Variants in MASP1 observed in about 807,000 individuals in gnomAD.
The protein encoded by MASP1 is mannan-binding lectin serine protease 1.
Under a neutral mutation model 77.1 loss-of-function variants are expected in MASP1, and 59 were observed. The observed-to-expected ratio is 0.77, with a 90% confidence interval of 0.62 to 0.95. The LOEUF is 0.95. Among genes scored for constraint, MASP1 ranks in the 40% least tolerant of loss-of-function variants. The pLI is 0.00. For synonymous variants in MASP1, 362 were observed against 354.5 expected (o/e 1.02, Z -0.24); for missense variants, 885 against 912.9 (o/e 0.97, Z 0.39).
chr3:187,234,707 C>T lies in MASP1; in HGVS notation c.*977G>A, dbSNP rs546930536. On this transcript the variant is annotated 3_prime_UTR_variant, in exon 11 of 11. Coordinates refer to ENST00000296280, the MANE Select transcript of MASP1 (RefSeq NM_139125.4). ...TTTGGGTGACTTCTAATGTGCCCAC[C>T]CCACTCTTTCTTCCATTTTCCTGCC... 145 of 1,287,182 alleles carry T rather than the reference C, an allele frequency of 1.1e-4. 1 individual carries two copies. The South Asian group carries it at 1.6e-3, about 14-fold the overall frequency. The allele number at this position is 1,287,182 out of a possible 1,614,324, so 79.7% of individuals were successfully genotyped here. A position where few individuals can be genotyped will look rare whatever the true frequency, so the allele number is the denominator to read the frequency against.
chr3:187,269,068 A>C lies in MASP1; in HGVS notation c.238-6348T>G, dbSNP rs867593789. ...CAACAGAGCAAGACACTGTCTCAAA[A>C]AAAAAAAAAAAAAGATTTTAAAACC... On this transcript the variant is annotated intron_variant, in intron 2 of 10. Coordinates refer to ENST00000296280, the MANE Select transcript of MASP1 (RefSeq NM_139125.4). Among the ~76,000 whole-genome samples, 423 of 151,258 alleles carry C rather than the reference A, an allele frequency of 2.8e-3. 2 individuals carry two copies. The highest frequency in any genetic ancestry group is 1.0e-2 in the South Asian group (48 of 4,812).
chr3:187,236,416 G>A lies in MASP1; in HGVS notation c.1455C>T (p.Ala485=), dbSNP rs749228203. ...TGAGGATCCAGGACGCAGAGAGCAG[G>A]GCCCCACTCCCAAACCACTTGTCAT... ...VPNDKWFGSG[A]LLSASWILTA... Residue 485 remains alanine (A), a synonymous_variant, in exon 11 of 11, where the codon GCC becomes GCT. Coordinates refer to ENST00000296280, the MANE Select transcript of MASP1 (RefSeq NM_139125.4). The A allele has an allele frequency of 4.3e-6, 7 of 1,614,074 alleles. No individual in the cohort carries two copies. Among genetic ancestry groups the A allele is most frequent in the East Asian group, 2.2e-5 (1 of 44,892 alleles).
At chr3:187,265,365 G>C (rs1715932053) in intron 2 of MASP1, among the ~76,000 whole-genome samples, 1 of 152,184 alleles carries the variant, frequency 6.6e-6, no homozygotes. Context: ...CTGAGGGTCT[G>C]TGATAAATGA....
intron 2 of MASP1, among the ~76,000 whole-genome samples, chr3:187,280,956 T>C (rs1376906730): frequency 6.6e-6 from 1 of 152,164 alleles, no homozygotes; most frequent in African/African-American, 2.4e-5. Flanking sequence ...ACCGTTTGTA[T>C]TTGAAAGAGG....
chr3:187,245,133 A>G (rs1015539255), intron 8 of MASP1, among the ~76,000 whole-genome samples: 4 of 152,250 alleles, frequency 2.6e-5, no homozygotes, highest in African/African-American at 9.6e-5. Context: ...CCAAAAGTAC[A>G]GATGCTCTTC....
intron 14 of MASP1, chr3:187,223,074 G>A (rs900352670): frequency 2.1e-5 from 31 of 1,455,442 alleles, no homozygotes; most frequent in Non-Finnish European, 2.6e-5. Flanking sequence ...GAGCAGGAAG[G>A]CCCAGTGCAG....
At chr3:187,236,668 A>G in intron 10 of MASP1, 101 bp from the exon 11 acceptor site, 2 of 1,603,882 alleles carry the variant, frequency 1.2e-6, no homozygotes, top group Middle Eastern at 1.7e-4. Flanking sequence ...CCCACTATAG[A>G]TTATGCCACC....
intron 10 of MASP1, among the ~76,000 whole-genome samples, chr3:187,239,140 C>T (rs1471795808): frequency 2.0e-5 from 3 of 149,320 alleles, no homozygotes; most frequent in South Asian, 2.1e-4. Context: ...GTGGGGAGTT[C>T]GAGACCAGCC....
At chr3:187,291,498 G>T in intron 1 of MASP1, 130 bp downstream of exon 1, 1 of 1,252,306 alleles carries the variant, frequency 8.0e-7, no homozygotes. Context: ...CCTAAGAATT[G>T]ATGAGAAAGC....
chr3:187,229,995 T>C (rs1712673605), downstream of MASP1: 1 of 1,416,578 alleles, frequency 7.1e-7, no homozygotes. Context: ...GGAACATCTA[T>C]TATTTTTGCT....
chr3:187,274,687 G>T (rs924233389), intron 2 of MASP1, among the ~76,000 whole-genome samples: 2 of 152,140 alleles, frequency 1.3e-5, no homozygotes, highest in African/African-American at 4.8e-5. Flanking sequence ...AGCAGGTATT[G>T]TGTACATGCA....
intron 2 of MASP1, among the ~76,000 whole-genome samples, chr3:187,270,486 A>G (rs997117707): frequency 6.6e-6 from 1 of 152,050 alleles, no homozygotes; most frequent in Non-Finnish European, 1.5e-5. Flanking sequence ...GATGTTTCCC[A>G]TTAGTAATTT....
At chr3:187,225,439 G>C (rs754848381) in exon 13 of MASP1, 3 of 1,614,192 alleles carry the variant, frequency 1.9e-6, no homozygotes, top group Non-Finnish European at 2.5e-6. Context: ...GATCATACTG[G>C]GGGTGGAGAG....
Position 187,250,240 on chromosome 3 carries a change from G to T in MASP1, c.1090+11C>A. 4.3e-6 allele frequency: 7 copies of T among 1,610,190 alleles called. No homozygotes were observed. The highest frequency in any genetic ancestry group is 5.9e-6 in the Non-Finnish European group (7 of 1,176,534). On this transcript the variant is annotated intron_variant, in intron 8 of 10. Transcript: ENST00000296280. ...TCAGTATCTTTATAACAACCCATTA[G>T]GCTTTCTTACTTTTACAGGTGGGAA...
At chr3:187,223,377 G>A (rs746925633) in intron 13 of MASP1, among the ~76,000 whole-genome samples, 7 of 152,208 alleles carry the variant, frequency 4.6e-5, no homozygotes, top group East Asian at 3.8e-4. Flanking sequence ...CTGCAGCAGA[G>A]CTAGGGGCAC....
intron 2 of MASP1, among the ~76,000 whole-genome samples, chr3:187,264,420 G>A (rs3774282): frequency 0.54 from 81,260 of 151,746 alleles, 24,778 homozygotes; most frequent in East Asian, 0.7. Context: ...CAGTTTTCCA[G>A]ATAGCCAAAG....
intron 2 of MASP1, among the ~76,000 whole-genome samples, chr3:187,269,626 G>A (rs1290026708): frequency 6.6e-6 from 1 of 152,174 alleles, no homozygotes; most frequent in Non-Finnish European, 1.5e-5. Flanking sequence ...AGCAGAACTG[G>A]GCTCTAATCA....
At chr3:187,219,765 T>C in exon 16 of MASP1, 1 of 428,100 alleles carries the variant, frequency 2.3e-6, no homozygotes, top group Non-Finnish European at 4.4e-6. Context: ...TTTTACGAGG[T>C]AGGTAAGGTA....
intron 2 of MASP1, among the ~76,000 whole-genome samples, chr3:187,269,997 G>T (rs698098): frequency 0.2 from 30,524 of 152,108 alleles, 3,285 homozygotes; most frequent in African/African-American, 0.27. Flanking sequence ...ATATGCAAAG[G>T]ACAAGAATTA....
Sources: gnomAD v4.1 joint callset for allele counts (sites outside exome capture counted in the v4.1 genomes callset) on GRCh38, gnomAD v4.1.1 for gene constraint, MANE v1.5 for transcripts, NCBI Gene and HGNC (gene_info 2026-07-23, HGNC 2026-07-21) for gene names.